The following MPP2 variants were observed in gnomAD, a reference collection of about 807,000 sequenced individuals.
MPP2 encodes MAGUK p55 scaffold protein 2.
Under a neutral mutation model 58.5 loss-of-function variants are expected in MPP2, and 42 were observed. That is an observed-to-expected ratio of 0.72 (90% confidence interval 0.56 to 0.93). MPP2 has a LOEUF of 0.93. Ranked by LOEUF, MPP2 falls within the 40% of genes least tolerant of loss-of-function variation. The pLI is 0.00. For missense variants in MPP2, 632 were observed against 760.4 expected (o/e 0.83, Z 1.99); for synonymous variants, 300 against 307.8 (o/e 0.97, Z 0.26).
At chr17:43,909,589 G>C (rs2048385904), upstream of MPP2, 1 of 1,488,144 alleles carries the variant, frequency 6.7e-7, no homozygotes. Context: ...AGGATCCTCA[G>C]GACAGTCTGG....
At chr17:43,897,513 C>T (rs573630001) in intron 3 of MPP2, among the ~76,000 whole-genome samples, 1,522 of 57,546 alleles carry the variant, frequency 0.026, 31 homozygotes, top group African/African-American at 0.053. Flanking sequence ...AACCATAAAG[C>T]CTCCCTGATA....
chr17:43,898,168 C>A, intron 3 of MPP2, 94 bp downstream of exon 3: 2 of 956,894 alleles, frequency 2.1e-6, no homozygotes, highest in Admixed American at 1.8e-5. Context: ...TGCCACATGT[C>A]CCATTCCCAA....
At chr17:43,901,357 C>A in intron 2 of MPP2, 1 of 985,438 alleles carries the variant, frequency 1.0e-6, no homozygotes, top group Non-Finnish European at 1.2e-6. Context: ...GGGATGATGC[C>A]CAGGAAGCAA....
chr17:43,901,161 TG>T, intron 2 of MPP2: 1 of 673,908 alleles, frequency 1.5e-6, no homozygotes, highest in Non-Finnish European at 1.8e-6. Flanking sequence ...CACTTGGGCA[TG>T]GGGCAAATAC....
chr17:43,895,861 T>A lies in MPP2; in HGVS notation c.150+2401A>T, dbSNP rs145720764. On this transcript the variant is annotated intron_variant, in intron 3 of 12. Transcript: ENST00000269095. Reference sequence around the variant, plus strand: ...TTCGATTGCTGAATGAAAAGCACCCTGCCTTTCTCCAATCTCCTCCAATCT... The same window carrying A: ...TTCGATTGCTGAATGAAAAGCACCCAGCCTTTCTCCAATCTCCTCCAATCT... 2.6e-5 allele frequency among the ~76,000 whole-genome samples: 4 copies of A among 152,324 alleles called. No homozygotes were observed. In the East Asian group the frequency reaches 7.7e-4, roughly 29 times the overall value.
At position 43,880,544 on chromosome 17, in the gene MPP2, C is replaced by G; in HGVS notation, c.1150+147G>C. ...CTGAGCCTGAAGTTCCCCTAACCAC[C>G]CACAGAGGGCGTGCACCCCAACCCG... is the stretch of plus-strand genomic sequence containing the variant. On this transcript the variant is annotated intron_variant, in intron 10 of 12. Coordinates refer to ENST00000269095, the MANE Select transcript of MPP2 (RefSeq NM_005374.5). This position sits in a 1 kb window ranked among gnomAD's most constrained non-coding sequence, Gnocchi z 5.2. 1 of 868,962 alleles carries G rather than the reference C, an allele frequency of 1.2e-6. No homozygotes were observed. The highest frequency in any genetic ancestry group is 1.6e-6 in the Non-Finnish European group (1 of 607,446). 53.8% of individuals were successfully genotyped at this position (868,962 alleles called of 1,614,324 possible).
chr17:43,899,246 CAA>C (rs55886623), intron 2 of MPP2, among the ~76,000 whole-genome samples: 1 of 149,410 alleles, frequency 6.7e-6, no homozygotes. Flanking sequence ...GACTCCGTCT[CAA>C]AAAAAAAAAA....
At chr17:43,909,613 G>T, upstream of MPP2, 1 of 1,475,666 alleles carries the variant, frequency 6.8e-7, no homozygotes, top group Non-Finnish European at 9.0e-7. Flanking sequence ...CTCAGATTCT[G>T]GCCCACCTGG....
At chr17:43,900,513 T>TA in intron 2 of MPP2, 5 of 1,548,558 alleles carry the variant, frequency 3.2e-6, no homozygotes, top group Non-Finnish European at 4.4e-6. Flanking sequence ...TCCAGGGATA[T>TA]ACCCTCCAAG....
chr17:43,882,553 C>G (rs1364631480), intron 5 of MPP2, 42 bp from the exon 6 acceptor site: 1 of 1,575,858 alleles, frequency 6.3e-7, no homozygotes, highest in Admixed American at 1.7e-5. Flanking sequence ...CCAATTGCTC[C>G]AAGTCAGAAT....
At chr17:43,889,042 CA>C (rs1158301354) in intron 3 of MPP2, among the ~76,000 whole-genome samples, 1 of 151,578 alleles carries the variant, frequency 6.6e-6, no homozygotes, top group Non-Finnish European at 1.5e-5. Context: ...TCTTGTGCTT[CA>C]ACCTCCCGAA....
In MPP2 at chr17:43,881,142, G is replaced by T. The variant is rs1469336373; in HGVS notation, c.936C>A (p.Ser312Arg). The change falls in exon 9 of 13, where the codon AGC becomes AGA. Residue 312 changes from serine (S) to arginine (R), a missense_variant. Physicochemically the swap from Ser to Arg is moderately radical, Grantham distance 110 (BLOSUM62 -1). Transcript: ENST00000269095. ...LTPNSGTLCGSLSGKKKKRMM... is the reference protein window; with the variant it reads ...LTPNSGTLCGRLSGKKKKRMM... ...TTCGCTTCTTTTTCTTTCCTGAAAGGCTGCCGCATAGGGTCCCTGGCCATA... is the reference window on the plus strand; with the variant it reads ...TTCGCTTCTTTTTCTTTCCTGAAAGTCTGCCGCATAGGGTCCCTGGCCATA... 1 of 1,614,012 alleles carries T rather than the reference G, an allele frequency of 6.2e-7. No individual in the cohort carries two copies. Among genetic ancestry groups the T allele is most frequent in the South Asian group, 1.1e-5 (1 of 91,062 alleles).
At chr17:43,885,263 G>C (rs142387904) in intron 3 of MPP2, among the ~76,000 whole-genome samples, 188 of 150,722 alleles carry the variant, frequency 1.2e-3, no homozygotes, top group African/African-American at 4.5e-3. Flanking sequence ...TATCTTCGTT[G>C]ACCCAGTTTA....
chr17:43,878,811 A>G (rs116764872), intron 12 of MPP2, among the ~76,000 whole-genome samples: 188 of 152,300 alleles, frequency 1.2e-3, no homozygotes, highest in African/African-American at 4.4e-3. Context: ...TTCTGCAATG[A>G]GGCCTTGAAG....
At chr17:43,901,209 T>G (rs2048084862) in intron 2 of MPP2, 1 of 969,776 alleles carries the variant, frequency 1.0e-6, no homozygotes, top group Non-Finnish European at 1.2e-6. Context: ...CCACCCTTGG[T>G]CAGCCACTGG....
At chr17:43,907,383 C>G in intron 1 of MPP2, 91 bp downstream of exon 1, 1 of 985,540 alleles carries the variant, frequency 1.0e-6, no homozygotes, top group Non-Finnish European at 1.2e-6. Flanking sequence ...GAGTTTAAAC[C>G]CAGTGAATAG....
At position 43,876,273 on chromosome 17, in the gene MPP2, G is replaced by A. The variant is rs2046825452; in HGVS notation, c.*1534C>T. The A allele has an allele frequency of 6.5e-6, 1 of 152,682 alleles. No individual in the cohort carries two copies. The highest frequency in any genetic ancestry group is 1.5e-5 in the Non-Finnish European group (1 of 68,072). 9.5% of individuals were successfully genotyped at this position (152,682 alleles called of 1,614,324 possible). ...GCAGCGAAGACTAGTTAGACACTTG[G>A]AAGAACTGGGAGGCACAAGGGTTTG... On this transcript the variant is annotated 3_prime_UTR_variant, in exon 13 of 13. Coordinates refer to ENST00000269095, the MANE Select transcript of MPP2 (RefSeq NM_005374.5).
intron 1 of MPP2, chr17:43,906,061 C>G: frequency 1.0e-6 from 1 of 983,206 alleles, no homozygotes; most frequent in Non-Finnish European, 1.2e-6. Context: ...CTTCCCTCCC[C>G]CTCCCAGGCC....
intron 3 of MPP2, among the ~76,000 whole-genome samples, chr17:43,892,649 G>A (rs923753000): frequency 6.6e-6 from 1 of 152,094 alleles, no homozygotes; most frequent in Non-Finnish European, 1.5e-5. Context: ...TAGCCCATTA[G>A]CCTCATACTG....
Sources: gnomAD v4.1 joint callset for allele counts (sites outside exome capture counted in the v4.1 genomes callset) on GRCh38, gnomAD v4.1.1 for gene constraint, Gnocchi (gnomAD v3.1) non-coding constraint, MANE v1.5 for transcripts, NCBI Gene and HGNC (gene_info 2026-07-23, HGNC 2026-07-21) for gene names.